The following PCDH15 variants were observed in gnomAD, a reference collection of about 807,000 sequenced individuals.
PCDH15 encodes the protein protocadherin-15.
PCDH15 carries 129 observed loss-of-function variants against 178.5 expected under a neutral mutation model. The ratio of observed to expected loss-of-function variants is 0.72; its 90% CI spans 0.63 to 0.84. The LOEUF (loss-of-function observed/expected upper bound fraction) is 0.84. Among genes scored for constraint, PCDH15 ranks in the 40% least tolerant of loss-of-function variants. PCDH15 has a pLI of 0.00. For missense variants in PCDH15, 2,230 were observed against 2,099.9 expected (o/e 1.06, Z -1.21); for synonymous variants, 800 against 732.0 (o/e 1.09, Z -1.50).
At chr10:55,147,364 A>G (rs1490920781) in intron 2 of PCDH15, among the ~76,000 whole-genome samples, 1 of 151,648 alleles carries the variant, frequency 6.6e-6, no homozygotes, top group Non-Finnish European at 1.5e-5. Flanking sequence ...ATGCAGAAAA[A>G]TAGATAATAG....
intron 3 of PCDH15, among the ~76,000 whole-genome samples, chr10:54,491,452 C>T (rs2079586301): frequency 1.3e-5 from 2 of 152,140 alleles, no homozygotes; most frequent in Admixed American, 6.6e-5. Context: ...CAACAGTCCA[C>T]ATAGTTTTAA....
intron 2 of PCDH15, among the ~76,000 whole-genome samples, chr10:55,163,171 G>C (rs1475253436): frequency 6.6e-6 from 1 of 152,046 alleles, no homozygotes; most frequent in South Asian, 2.1e-4. Flanking sequence ...TTTGTGGGAG[G>C]CTGATCTGAG....
intron 10 of PCDH15, among the ~76,000 whole-genome samples, chr10:54,213,103 GT>G (rs1328020481): frequency 6.8e-6 from 1 of 146,958 alleles, no homozygotes; most frequent in Non-Finnish European, 1.5e-5. Context: ...ATTTCTAGAG[GT>G]TTTTTTTGCA....
chr10:55,518,416 T>A lies in PCDH15; in HGVS notation c.-156+109209A>T, dbSNP rs190237816. Among the ~76,000 whole-genome samples, 64 of 152,154 alleles carry A rather than the reference T, an allele frequency of 4.2e-4. No individual in the cohort carries two copies. In the Middle Eastern group the frequency reaches 0.01, roughly 24 times the overall value. On this transcript the variant is annotated intron_variant, in intron 2 of 5. Transcript: ENST00000613346. ...TCATCTCAGACAAACACCGCCACTT[T>A]TAAGTTCCAGCTCCCTTTCTAGCCT...
At chr10:54,237,674 A>G (rs1429629950) in intron 8 of PCDH15, among the ~76,000 whole-genome samples, 4 of 152,210 alleles carry the variant, frequency 2.6e-5, no homozygotes, top group Admixed American at 2.6e-4. Context: ...TTACAGCACC[A>G]AAGCCCAAGT....
chr10:54,156,473 T>C (rs2045162284), intron 13 of PCDH15, among the ~76,000 whole-genome samples: 1 of 152,092 alleles, frequency 6.6e-6, no homozygotes, highest in African/African-American at 2.4e-5. Context: ...GCTCCCCTTT[T>C]TAAAACCATC....
chr10:55,464,860 T>C (rs572315187), intron 2 of PCDH15, among the ~76,000 whole-genome samples: 1 of 148,782 alleles, frequency 6.7e-6, no homozygotes, highest in Non-Finnish European at 1.5e-5. Context: ...ATTTTCACAA[T>C]TTACAAATTG....
In PCDH15 at chr10:54,103,305, G is replaced by A. The variant is rs7093974; in HGVS notation, c.1918-13242C>T. Among the ~76,000 whole-genome samples, 99 of 152,310 alleles carry A rather than the reference G, an allele frequency of 6.5e-4. 3 individuals are homozygous for A. Among genetic ancestry groups the A allele is most frequent in the African/African-American group, 2.2e-3 (90 of 41,562 alleles). Reference sequence around the variant, plus strand: ...TAGCCAATGTCAGAGCCTTACATGAGTCAGACTACTCTGATGCTGCTTTGC... The same window carrying A: ...TAGCCAATGTCAGAGCCTTACATGAATCAGACTACTCTGATGCTGCTTTGC... On this transcript the variant is annotated intron_variant, in intron 15 of 37. Coordinates refer to ENST00000644397, the MANE Select transcript of PCDH15 (RefSeq NM_001384140.1).
chr10:54,276,221 G>A (rs184140584), intron 8 of PCDH15, among the ~76,000 whole-genome samples: 35 of 151,686 alleles, frequency 2.3e-4, no homozygotes, highest in African/African-American at 7.5e-4. Flanking sequence ...GCTTCACAGA[G>A]GTACTAGATA....
intron 5 of PCDH15, among the ~76,000 whole-genome samples, chr10:54,367,819 A>G (rs1045194568): frequency 2.6e-5 from 4 of 151,556 alleles, no homozygotes; most frequent in South Asian, 2.1e-4. Flanking sequence ...ATGTGTATAT[A>G]TGTGTGTATA....
chr10:55,056,928 C>T lies in PCDH15; in HGVS notation c.-80+109648G>A, dbSNP rs76749100. Among the ~76,000 whole-genome samples the T allele has an allele frequency of 4.9e-3, 740 of 152,188 alleles. 3 individuals are homozygous for T. The highest frequency in any genetic ancestry group is 0.017 in the African/African-American group (714 of 41,512). ...GGATTACAGGCATGAGCCACCCCGC[C>T]TTGCCATTTTTATCACTATTTGAAA... On this transcript the variant is annotated intron_variant, in intron 2 of 5. Coordinates refer to the PCDH15 transcript ENST00000458638.
chr10:54,456,674 G>C (rs2076843849), intron 3 of PCDH15, among the ~76,000 whole-genome samples: 1 of 152,104 alleles, frequency 6.6e-6, no homozygotes, highest in South Asian at 2.1e-4. Context: ...ATTTGGGAGG[G>C]ACTAGGGGTA....
chr10:54,748,339 G>A (rs1203644704), intron 1 of PCDH15, among the ~76,000 whole-genome samples: 1 of 151,898 alleles, frequency 6.6e-6, no homozygotes, highest in East Asian at 1.9e-4. Flanking sequence ...CTTAATTATT[G>A]TCTGGTCATC....
chr10:55,112,616 G>C (rs1040894349), intron 2 of PCDH15, among the ~76,000 whole-genome samples: 1 of 152,126 alleles, frequency 6.6e-6, no homozygotes, highest in Non-Finnish European at 1.5e-5. Flanking sequence ...AAACCAGTAA[G>C]GCGCAGTTCT....
intron 21 of PCDH15, among the ~76,000 whole-genome samples, chr10:53,965,924 T>C (rs2088964451): frequency 6.6e-6 from 1 of 152,178 alleles, no homozygotes; most frequent in Admixed American, 6.5e-5. Flanking sequence ...AAAGAAAACA[T>C]GCTGGTATTA....
intron 3 of PCDH15, among the ~76,000 whole-genome samples, chr10:54,489,614 G>GGC (rs2079401990): frequency 6.6e-6 from 1 of 151,980 alleles, no homozygotes; most frequent in African/African-American, 2.4e-5. Context: ...CACACATACA[G>GGC]GCATACATTA....
intron 9 of PCDH15, among the ~76,000 whole-genome samples, chr10:54,224,553 T>G (rs963369341): frequency 6.6e-6 from 1 of 152,126 alleles, no homozygotes; most frequent in Non-Finnish European, 1.5e-5. Context: ...TTATTTGATC[T>G]TGGGATTAAT....
At chr10:54,767,857 C>T (rs1378354702) in intron 1 of PCDH15, among the ~76,000 whole-genome samples, 1 of 151,972 alleles carries the variant, frequency 6.6e-6, no homozygotes, top group Non-Finnish European at 1.5e-5. Flanking sequence ...AGAGTTAGGA[C>T]AACTAAATGT....
intron 1 of PCDH15, among the ~76,000 whole-genome samples, chr10:54,736,098 C>G (rs767117682): frequency 3.3e-5 from 5 of 151,846 alleles, no homozygotes; most frequent in Non-Finnish European, 7.4e-5. Flanking sequence ...TAGAGTTATC[C>G]CTCTTGAGCA....
Sources: gnomAD v4.1 joint callset for allele counts (sites outside exome capture counted in the v4.1 genomes callset) on GRCh38, gnomAD v4.1.1 for gene constraint, MANE v1.5 for transcripts, NCBI Gene and HGNC (gene_info 2026-07-23, HGNC 2026-07-21) for gene names.